STEAP1B: variants seen among roughly 807,000 people sequenced by gnomAD.
STEAP1B encodes the protein STEAP family protein MGC87042.
STEAP1B carries 13 observed loss-of-function variants against 27.9 expected under a neutral mutation model. The ratio of observed to expected loss-of-function variants is 0.47; its 90% confidence interval spans 0.30 to 0.74. The LOEUF (loss-of-function observed/expected upper bound fraction) is 0.74. Among genes scored for constraint, STEAP1B ranks in the 30% least tolerant of loss-of-function variants. The pLI is 0.06. For synonymous variants in STEAP1B, 86 were observed against 107.1 expected (o/e 0.80, Z 1.22); for missense variants, 250 against 298.7 (o/e 0.84, Z 1.20).
At chr7:22,455,845 G>C (rs181000693) in intron 4 of STEAP1B, among the ~76,000 whole-genome samples, 195 of 152,268 alleles carry the variant, frequency 1.3e-3, no homozygotes, top group African/African-American at 4.3e-3. Context: ...CGAGTATTTC[G>C]AGTATTTCAA....
chr7:22,493,272 G>C, intron 3 of STEAP1B, 52 bp downstream of exon 3: 1 of 1,507,972 alleles, frequency 6.6e-7, no homozygotes, highest in East Asian at 2.3e-5. Flanking sequence ...TGATTAATTT[G>C]TTAGGTGACT....
Position 22,494,848 on chromosome 7 carries a change from C to A in STEAP1B, c.8G>T (p.Ser3Ile). ME[S>I]RKDITNQEEI... ...TTCTTGGTTTGTGATGTCTTTTCTG[C>A]TTTCCATTAATTCTATAAAATAGTA... is the stretch of plus-strand genomic sequence containing the variant. Residue 3 changes from serine (S) to isoleucine (I), a missense_variant, in exon 2 of 5, where the codon AGC (serine) becomes ATC (isoleucine). Transcript: ENST00000678116. The A allele has an allele frequency of 1.2e-5, 19 of 1,576,586 alleles. No homozygotes were observed. Among genetic ancestry groups the A allele is most frequent in the Non-Finnish European group, 1.6e-5 (19 of 1,159,180 alleles).
rs1786491650 is a variant in STEAP1B, at chr7:22,499,149, A to T, written c.-32+965T>A. Among the ~76,000 whole-genome samples, 3 of 152,338 alleles carry T rather than the reference A, an allele frequency of 2.0e-5. No individual in the cohort carries two copies. The East Asian group carries it at 5.8e-4, about 29-fold the overall frequency. On this transcript the variant is annotated intron_variant, in intron 1 of 4. Coordinates refer to ENST00000678116, the MANE Select transcript of STEAP1B (RefSeq NM_001382447.1). ...CCAAAGTTCTCTTTCACCCGCTTTT[A>T]AAAAAGTGGAGCACATTTCTAATGC...
chr7:22,420,846 G>A (rs1443007565), intron 4 of STEAP1B, among the ~76,000 whole-genome samples: 1 of 152,138 alleles, frequency 6.6e-6, no homozygotes, highest in East Asian at 1.9e-4. Context: ...TGTGAAGAAG[G>A]CACTATTATC....
At chr7:22,488,325 AAGG>A (rs1436193351) in intron 4 of STEAP1B, among the ~76,000 whole-genome samples, 1 of 152,124 alleles carries the variant, frequency 6.6e-6, no homozygotes, top group African/African-American at 2.4e-5. Context: ...GTGTTTGGGG[AAGG>A]AGAAGAGGAA....
intron 1 of STEAP1B, among the ~76,000 whole-genome samples, chr7:22,496,360 T>C (rs532437890): frequency 7.2e-5 from 11 of 152,288 alleles, no homozygotes; most frequent in Non-Finnish European, 1.6e-4. Flanking sequence ...TAATGTATTA[T>C]TAAAGAAAAA....
chr7:22,458,105 A>G (rs1474796257), intron 4 of STEAP1B, among the ~76,000 whole-genome samples: 2 of 152,244 alleles, frequency 1.3e-5, no homozygotes, highest in Admixed American at 6.5e-5. Flanking sequence ...CTGAAGAAGA[A>G]AAAATTACAT....
At chr7:22,458,715 T>C (rs1000141129) in intron 4 of STEAP1B, among the ~76,000 whole-genome samples, 1 of 152,088 alleles carries the variant, frequency 6.6e-6, no homozygotes, top group Non-Finnish European at 1.5e-5. Flanking sequence ...GACTTTAGCT[T>C]TTCTAGGCTG....
intron 4 of STEAP1B, among the ~76,000 whole-genome samples, chr7:22,458,830 A>T (rs2128407139): frequency 6.6e-6 from 1 of 151,826 alleles, no homozygotes. Context: ...GTTATCCTGG[A>T]GGGGATGGGT....
At chr7:22,456,970 A>ATTTTTTTTTTTTTTT (rs1457986338) in intron 4 of STEAP1B, among the ~76,000 whole-genome samples, 2 of 26,176 alleles carry the variant, frequency 7.6e-5, no homozygotes, top group South Asian at 1.8e-3. Context: ...ATATATATAT[A>ATTTTTTTTTTTTTTT]TATTTTTTTT....
intron 4 of STEAP1B, among the ~76,000 whole-genome samples, chr7:22,443,810 C>T (rs553278842): frequency 2.6e-5 from 4 of 152,316 alleles, no homozygotes; most frequent in Non-Finnish European, 5.9e-5. Flanking sequence ...CAGGCAAAAA[C>T]ACTTCCACTC....
At chr7:22,496,039 C>G (rs1461852804) in intron 1 of STEAP1B, among the ~76,000 whole-genome samples, 1 of 152,158 alleles carries the variant, frequency 6.6e-6, no homozygotes, top group African/African-American at 2.4e-5. Context: ...GAGAAGATGG[C>G]AGCTCCATGC....
At chr7:22,452,272 C>T (rs1483817833) in intron 4 of STEAP1B, among the ~76,000 whole-genome samples, 1 of 152,122 alleles carries the variant, frequency 6.6e-6, no homozygotes, top group Admixed American at 6.5e-5. Flanking sequence ...GTCACAGCAC[C>T]CTGAGAACTG....
intron 1 of STEAP1B, among the ~76,000 whole-genome samples, chr7:22,499,020 A>G (rs1231696653): frequency 6.6e-6 from 1 of 152,252 alleles, no homozygotes; most frequent in Admixed American, 6.5e-5. Context: ...TTCATCAGAC[A>G]TTAACCAAAA....
intron 4 of STEAP1B, among the ~76,000 whole-genome samples, chr7:22,483,299 T>C (rs1402075681): frequency 6.6e-6 from 1 of 152,192 alleles, no homozygotes; most frequent in African/African-American, 2.4e-5. Context: ...TGTTTTGCTA[T>C]GTTTAACAGA....
intron 4 of STEAP1B, among the ~76,000 whole-genome samples, chr7:22,487,997 G>A (rs1378792598): frequency 6.6e-6 from 1 of 152,086 alleles, no homozygotes; most frequent in African/African-American, 2.4e-5. Flanking sequence ...AAGGGTGACT[G>A]GCATTCTAAC....
At chr7:22,458,511 G>A (rs1223616039) in intron 4 of STEAP1B, among the ~76,000 whole-genome samples, 3 of 152,214 alleles carry the variant, frequency 2.0e-5, no homozygotes, top group Non-Finnish European at 4.4e-5. Context: ...CTTGAAGTCA[G>A]CAGTGGTATG....
At chr7:22,484,999 G>T (rs1433700072) in intron 4 of STEAP1B, among the ~76,000 whole-genome samples, 1 of 152,242 alleles carries the variant, frequency 6.6e-6, no homozygotes, top group African/African-American at 2.4e-5. Context: ...GTGAGGAGTT[G>T]CTTTTCATAG....
intron 4 of STEAP1B, among the ~76,000 whole-genome samples, chr7:22,475,191 C>T (rs1242952019): frequency 2.6e-5 from 4 of 152,202 alleles, no homozygotes; most frequent in Non-Finnish European, 4.4e-5. Context: ...TCCTGGCCTG[C>T]GTGTGGCTGC....
Sources: gnomAD v4.1 joint callset for allele counts (sites outside exome capture counted in the v4.1 genomes callset) on GRCh38, gnomAD v4.1.1 for gene constraint, MANE v1.5 for transcripts, NCBI Gene and HGNC (gene_info 2026-07-23, HGNC 2026-07-21) for gene names.